Variants in EIF3E observed in about 807,000 individuals in gnomAD.
The protein encoded by EIF3E is eukaryotic translation initiation factor 3 subunit E.
Under a neutral mutation model 59.3 loss-of-function variants are expected in EIF3E, and 25 were observed. The observed-to-expected ratio is 0.42, with a 90% CI of 0.31 to 0.59. The LOEUF is 0.59. Ranked by LOEUF, EIF3E falls within the 20% of genes least tolerant of loss-of-function variation. The probability of loss-of-function intolerance (pLI) is 0.15; values close to 1 mark genes in which losing one functional copy is unlikely to be tolerated. For missense variants in EIF3E, 317 were observed against 534.3 expected (o/e 0.59, Z 4.01); for synonymous variants, 176 against 170.2 (o/e 1.03, Z -0.26).
rs1248308680 is a variant in EIF3E, at chr8:108,241,810, T to C, written c.194A>G (p.Asp65Gly). The change falls in exon 2 of 13, where the codon GAT (aspartate) becomes GGT (glycine). Residue 65 changes from aspartate to glycine, a missense_variant. By Grantham distance (94) the Asp-to-Gly change is moderately conservative. Coordinates refer to ENST00000220849, the MANE Select transcript of EIF3E (RefSeq NM_001568.3). ...ATGACAAAACTTACCATGAGGAATA[T>C]CATCAGAATAAAGGTTTTTGTATAC... ...MDVYKNLYSD[D>G]IPHALREKRT... is the part of the protein sequence containing the mutation. 2 of 1,567,274 alleles carry C rather than the reference T, an allele frequency of 1.3e-6. No homozygotes were observed. The highest frequency in any genetic ancestry group is 2.0e-5 in the Admixed American group (1 of 50,038).
intron 5 of EIF3E, among the ~76,000 whole-genome samples, chr8:108,232,655 A>G (rs1247975736): frequency 1.3e-5 from 2 of 152,230 alleles, no homozygotes; most frequent in Non-Finnish European, 2.9e-5. Flanking sequence ...ATGTGTTAGA[A>G]TAAAAGCTTT....
In EIF3E at chr8:108,229,209, C is replaced by A; in HGVS notation, c.472-14G>T. On this transcript the variant is annotated splice_polypyrimidine_tract_variant and intron_variant, in intron 5 of 12. Transcript: ENST00000220849. ...TGTTGCTGGAACCTGTTTAAGAAATCATAATTAATTATATTGTGAATACTC... is the reference window on the plus strand; with the variant it reads ...TGTTGCTGGAACCTGTTTAAGAAATAATAATTAATTATATTGTGAATACTC... 1 of 1,610,858 alleles carries A rather than the reference C, an allele frequency of 6.2e-7. No homozygotes were observed. The highest frequency in any genetic ancestry group is 8.5e-7 in the Non-Finnish European group (1 of 1,178,248).
intron 2 of EIF3E, 127 bp from the exon 3 acceptor site, chr8:108,240,202 T>A: frequency 1.3e-6 from 1 of 778,494 alleles, no homozygotes; most frequent in Non-Finnish European, 2.3e-6. Flanking sequence ...CCCAATATAT[T>A]CATATGCCAT....
At chr8:108,215,705 T>C (rs922013722) in intron 9 of EIF3E, among the ~76,000 whole-genome samples, 1 of 152,172 alleles carries the variant, frequency 6.6e-6, no homozygotes, top group African/African-American at 2.4e-5. Context: ...TGTCAACAAA[T>C]TGCCCATTTT....
At chr8:108,242,213 T>C (rs1481596102) in intron 1 of EIF3E, 82 of 1,308,942 alleles carry the variant, frequency 6.3e-5, no homozygotes, top group Admixed American at 9.1e-5. Flanking sequence ...TCTCTTACCC[T>C]TTCTAGGCAA....
At chr8:108,229,818 C>A (rs1761679150) in intron 5 of EIF3E, among the ~76,000 whole-genome samples, 1 of 152,048 alleles carries the variant, frequency 6.6e-6, no homozygotes, top group African/African-American at 2.4e-5. Flanking sequence ...AAAATGGGAA[C>A]TAATACATAT....
At chr8:108,204,758 G>C (rs865918555) in intron 10 of EIF3E, among the ~76,000 whole-genome samples, 1 of 105,856 alleles carries the variant, frequency 9.4e-6, no homozygotes, top group African/African-American at 4.1e-5. Context: ...GAGAGAGAGA[G>C]AGAGAGAGAG....
chr8:108,217,016 C>A (rs546279086), intron 8 of EIF3E, among the ~76,000 whole-genome samples: 1 of 152,104 alleles, frequency 6.6e-6, no homozygotes, highest in East Asian at 1.9e-4. Context: ...TAGAATTACA[C>A]AGGTAATGAC....
In EIF3E at chr8:108,239,276, G is replaced by A. The variant is rs548348327; in HGVS notation, c.323+682C>T. Among the ~76,000 whole-genome samples the A allele has an allele frequency of 3.3e-5, 5 of 152,146 alleles. No individual in the cohort carries two copies. The East Asian group carries it at 5.8e-4, about 18-fold the overall frequency. On this transcript the variant is annotated intron_variant, in intron 3 of 12. Transcript: ENST00000220849. ...TGACTCATTGCAACCTCCGCCTCCCGGGCTCAAGCCATCCTCTGACCTCAG... is the reference window on the plus strand; with the variant it reads ...TGACTCATTGCAACCTCCGCCTCCCAGGCTCAAGCCATCCTCTGACCTCAG...
rs752736620 is a variant in EIF3E, at chr8:108,234,975, A to C, written c.471+23T>G. 98 of 1,438,526 alleles carry C rather than the reference A, an allele frequency of 6.8e-5. 1 individual carries two copies. In the African/African-American group the frequency reaches 1.0e-3, roughly 15 times the overall value. The allele number at this position is 1,438,526 out of a possible 1,614,324, so 89.1% of individuals were successfully genotyped here. A position where few individuals can be genotyped will look rare whatever the true frequency, so the allele number is the denominator to read the frequency against. ...CTACAAAAGACAAAAAAAAAAAAAA[A>C]AAAAACATGTACTTATACTTACCAG... On this transcript the variant is annotated intron_variant, in intron 5 of 12. Coordinates refer to ENST00000220849, the MANE Select transcript of EIF3E (RefSeq NM_001568.3).
chr8:108,212,663 G>T (rs572126506), intron 10 of EIF3E, among the ~76,000 whole-genome samples: 1 of 152,060 alleles, frequency 6.6e-6, no homozygotes, highest in Non-Finnish European at 1.5e-5. Context: ...TTAGCTGGGC[G>T]TGGTGGCACA....
intron 3 of EIF3E, among the ~76,000 whole-genome samples, chr8:108,238,010 CCT>C (rs1466538155): frequency 3.9e-4 from 60 of 152,274 alleles, no homozygotes; most frequent in African/African-American, 1.4e-3. Context: ...CTACAAGGAT[CCT>C]CTTTTTCTAA....
At chr8:108,221,047 G>A (rs551215938) in intron 7 of EIF3E, among the ~76,000 whole-genome samples, 5 of 151,652 alleles carry the variant, frequency 3.3e-5, no homozygotes, top group African/African-American at 1.2e-4. Context: ...GGAAAGGACA[G>A]GACAGGACAG....
rs538953292 is a variant in EIF3E at position 108,235,656 on chromosome 8, C to T, written c.366+505G>A. Among the ~76,000 whole-genome samples the T allele has an allele frequency of 5.3e-5, 8 of 152,262 alleles. No homozygotes were observed. In the East Asian group the frequency reaches 1.5e-3, roughly 29 times the overall value. ...ACACAAGGGAAATAAGATTGAGTGA[C>T]GGTTAGGAAAGCTTACGATGTTTCT... On this transcript the variant is annotated intron_variant, in intron 4 of 12. Coordinates refer to ENST00000220849, the MANE Select transcript of EIF3E (RefSeq NM_001568.3).
intron 5 of EIF3E, chr8:108,234,561 C>G (rs543300517): frequency 6.6e-6 from 1 of 152,080 alleles, no homozygotes; most frequent in African/African-American, 2.4e-5. Flanking sequence ...TTTCACATAC[C>G]GTTAGGATTC....
chr8:108,242,373 G>A, intron 1 of EIF3E: 1 of 1,289,370 alleles, frequency 7.8e-7, no homozygotes. Flanking sequence ...AGTCAACCAT[G>A]TCAGATCAGG....
intron 3 of EIF3E, among the ~76,000 whole-genome samples, chr8:108,237,541 T>G (rs2129915723): frequency 6.6e-6 from 1 of 152,316 alleles, no homozygotes; most frequent in East Asian, 1.9e-4. Context: ...CATGAGCTAC[T>G]GCACCTGACT....
At chr8:108,204,746 TAGAGAGAGAGAGAGAG>T (rs1180256994) in intron 10 of EIF3E, among the ~76,000 whole-genome samples, 5 of 113,688 alleles carry the variant, frequency 4.4e-5, no homozygotes, top group Admixed American at 8.8e-5. Context: ...TATATATATA[TAGAGAGAGAGAGAGAG>T]AGAGAGAGAG....
intron 10 of EIF3E, among the ~76,000 whole-genome samples, chr8:108,207,335 T>C (rs902342437): frequency 5.3e-5 from 8 of 152,082 alleles, no homozygotes; most frequent in Admixed American, 3.3e-4. Flanking sequence ...AAAGGACTAA[T>C]AGAAATCATC....
Sources: allele counts gnomAD v4.1 joint callset (sites outside exome capture counted in the v4.1 genomes callset), GRCh38; gene constraint gnomAD v4.1.1; transcripts MANE v1.5; gene names NCBI Gene and HGNC (gene_info 2026-07-23, HGNC 2026-07-21).